SAXO2: variants seen among roughly 807,000 people sequenced by gnomAD.
SAXO2 encodes the protein family with sequence similarity 154, member B.
A neutral mutation model predicts 18.7 loss-of-function variants in SAXO2; 17 were observed. The observed-to-expected ratio is 0.91, with a 90% confidence interval of 0.62 to 1.36. The LOEUF (loss-of-function observed/expected upper bound fraction) is 1.36, where lower values mean the gene tolerates loss of function less well. Ranked by LOEUF, SAXO2 falls within the 40% of genes most tolerant of loss-of-function variation. SAXO2 has a pLI of 0.00. For missense variants in SAXO2, 486 were observed against 562.6 expected (o/e 0.86, Z 1.38); for synonymous variants, 163 against 181.2 (o/e 0.90, Z 0.81).
At chr15:82,278,314 C>T (rs2075333344) in intron 3 of SAXO2, among the ~76,000 whole-genome samples, 1 of 152,178 alleles carries the variant, frequency 6.6e-6, no homozygotes, top group Non-Finnish European at 1.5e-5. Context: ...ACAGGGCCTG[C>T]CTAAGATTGA....
At position 82,282,595 on chromosome 15, in the gene SAXO2, A is replaced by G; in HGVS notation, c.910A>G (p.Ser304Gly). ...ACCAGAGTATGTGCCTCCTACAGGT[A>G]GCATGCTGTTAAACAGCACAAGCCA... is the stretch of plus-strand genomic sequence containing the variant. Reference protein sequence around the residue: ...KVPEYVPPTGSMLLNSTSHLD... With the variant: ...KVPEYVPPTGGMLLNSTSHLD... Residue 304 changes from serine (S) to glycine (G), a missense_variant, in exon 4 of 4, where the codon AGC becomes GGC. Transcript: ENST00000682753. 2 of 1,614,212 alleles carry G rather than the reference A, an allele frequency of 1.2e-6. No homozygotes were observed. Among genetic ancestry groups the G allele is most frequent in the Non-Finnish European group, 1.7e-6 (2 of 1,180,012 alleles).
Position 82,284,719 on chromosome 15 carries a change from G to T in SAXO2, c.*1657G>T, listed in dbSNP as rs1401180622. The T allele has an allele frequency of 6.6e-6, 1 of 152,148 alleles. No homozygotes were observed. Among genetic ancestry groups the T allele is most frequent in the Non-Finnish European group, 1.5e-5 (1 of 68,024 alleles). 9.4% of individuals were successfully genotyped at this position (152,148 alleles called of 1,614,324 possible). Reference sequence around the variant, plus strand: ...AAAATTAAATAATTGCATTATGGGAGAATATGATTTATTTTAGCATAAAGT... The same window carrying T: ...AAAATTAAATAATTGCATTATGGGATAATATGATTTATTTTAGCATAAAGT... On this transcript the variant is annotated 3_prime_UTR_variant, in exon 4 of 4. Coordinates refer to ENST00000682753, the MANE Select transcript of SAXO2 (RefSeq NM_001348699.2).
chr15:82,283,014 A>G lies in SAXO2; in HGVS notation c.1329A>G (p.Gln443=). 9 of 1,613,818 alleles carry G rather than the reference A, an allele frequency of 5.6e-6. No homozygotes were observed. Among genetic ancestry groups the G allele is most frequent in the Non-Finnish European group, 7.6e-6 (9 of 1,179,940 alleles). Residue 443 remains glutamine, a synonymous_variant, in exon 4 of 4, where the codon CAA becomes CAG. Coordinates refer to ENST00000682753, the MANE Select transcript of SAXO2 (RefSeq NM_001348699.2). ...PGYIFDNTNS[Q]GHKFFRKIIP... ...ATATTTTCGACAATACAAATTCCCA[A>G]GGTCATAAATTCTTCCGCAAGATTA...
intron 3 of SAXO2, among the ~76,000 whole-genome samples, chr15:82,281,673 C>T (rs2075363022): frequency 6.6e-6 from 1 of 152,018 alleles, no homozygotes; most frequent in Non-Finnish European, 1.5e-5. Flanking sequence ...CTTTTGCCCA[C>T]CCATGAAGGG....
chr15:82,281,808 C>T (rs1158195768), intron 3 of SAXO2, among the ~76,000 whole-genome samples: 1 of 151,718 alleles, frequency 6.6e-6, no homozygotes, highest in East Asian at 1.9e-4. Context: ...TCACCTCCAA[C>T]ACAGTCCTTT....
chr15:82,266,463 T>C (rs1469661168), intron 2 of SAXO2, among the ~76,000 whole-genome samples: 1 of 152,252 alleles, frequency 6.6e-6, no homozygotes, highest in African/African-American at 2.4e-5. Flanking sequence ...CAAAATCATG[T>C]AGAGGCATGG....
intron 1 of SAXO2, chr15:82,264,603 A>G: frequency 4.3e-6 from 3 of 701,784 alleles, no homozygotes; most frequent in Non-Finnish European, 7.8e-6. Context: ...TAAGGAGTAT[A>G]TATATAGTTC....
rs1214253443 is a variant in SAXO2, at chr15:82,282,281, A to G, written c.596A>G (p.Lys199Arg). ...RQSFKPSSVVKRSTAPFNGIT... is the reference protein window; with the variant it reads ...RQSFKPSSVVRRSTAPFNGIT... The stretch of plus-strand genomic sequence containing the variant: ...AGCTTTAAACCCTCCTCTGTGGTCA[A>G]ACGTTCTACAGCCCCTTTTAATGGT... The change falls in exon 4 of 4, where the codon AAA becomes AGA. Residue 199 changes from lysine (K) to arginine (R), a missense_variant. Lys to Arg is a conservative substitution (Grantham distance 26). Coordinates refer to ENST00000682753, the MANE Select transcript of SAXO2 (RefSeq NM_001348699.2). The G allele has an allele frequency of 3.7e-6, 6 of 1,614,090 alleles. No homozygotes were observed. The highest frequency in any genetic ancestry group is 5.1e-6 in the Non-Finnish European group (6 of 1,180,052).
In SAXO2 at chr15:82,272,383, A is replaced by C. The variant is rs533700273; in HGVS notation, c.433+581A>C. On this transcript the variant is annotated intron_variant, in intron 3 of 3. Transcript: ENST00000682753. ...GATAGGCTTATCTACCCCATGATAGACAGTGCTAGACTACCACATAGGGGT... is the reference window on the plus strand; with the variant it reads ...GATAGGCTTATCTACCCCATGATAGCCAGTGCTAGACTACCACATAGGGGT... 7.9e-5 allele frequency among the ~76,000 whole-genome samples: 12 copies of C among 152,328 alleles called. No homozygotes were observed. The East Asian group carries it at 2.3e-3, about 29-fold the overall frequency.
At chr15:82,276,129 A>G (rs1383503340) in intron 3 of SAXO2, among the ~76,000 whole-genome samples, 3 of 152,164 alleles carry the variant, frequency 2.0e-5, no homozygotes, top group Non-Finnish European at 2.9e-5. Flanking sequence ...AATCAAATCA[A>G]GAACATAATC....
At chr15:82,275,405 G>A (rs1405184366) in intron 3 of SAXO2, among the ~76,000 whole-genome samples, 2 of 149,526 alleles carry the variant, frequency 1.3e-5, no homozygotes, top group African/African-American at 4.9e-5. Context: ...TGAGGAAGAA[G>A]GACTCCTCCC....
chr15:82,279,143 TAAATG>T (rs1193230756), intron 3 of SAXO2, among the ~76,000 whole-genome samples: 3 of 152,126 alleles, frequency 2.0e-5, no homozygotes, highest in Non-Finnish European at 2.9e-5. Flanking sequence ...ATGAAGTTAA[TAAATG>T]AAAAGAGAGA....
intron 1 of SAXO2, among the ~76,000 whole-genome samples, chr15:82,264,439 T>G (rs549688597): frequency 1.8e-4 from 28 of 152,086 alleles, no homozygotes; most frequent in African/African-American, 6.8e-4. Flanking sequence ...TTTTTACTAT[T>G]TACAATCTCA....
At position 82,265,760 on chromosome 15, in the gene SAXO2, G is replaced by T. The variant is rs1272439155; in HGVS notation, c.233+12G>T. 1.3e-6 allele frequency: 2 copies of T among 1,508,632 alleles called. No individual in the cohort carries two copies. The highest frequency in any genetic ancestry group is 1.8e-6 in the Non-Finnish European group (2 of 1,132,890). The allele number at this position is 1,508,632 out of a possible 1,614,324, so 93.5% of individuals were successfully genotyped here. A position where few individuals can be genotyped will look rare whatever the true frequency, so the allele number is the denominator to read the frequency against. On this transcript the variant is annotated intron_variant, in intron 2 of 3. Coordinates refer to ENST00000682753, the MANE Select transcript of SAXO2 (RefSeq NM_001348699.2). ...ATAACTACATTTAAGTAAATATTTA[G>T]TAACTATTTGCTTTACTTATTTTTC...
chr15:82,263,137 A>G lies in SAXO2; in HGVS notation c.53+205A>G, dbSNP rs145969593. 409 of 1,464,926 alleles carry G rather than the reference A, an allele frequency of 2.8e-4. 3 individuals carry two copies. In the East Asian group the frequency reaches 9.5e-3, roughly 34 times the overall value. The allele number at this position is 1,464,926 out of a possible 1,614,324, so 90.7% of individuals were successfully genotyped here. Reference sequence around the variant, plus strand: ...ACCCGGGGGTAAAACGTTTGTTCGTAGCCCCTGAGACTCCCAATCAAGGAT... The same window carrying G: ...ACCCGGGGGTAAAACGTTTGTTCGTGGCCCCTGAGACTCCCAATCAAGGAT... On this transcript the variant is annotated intron_variant, in intron 1 of 3. Transcript: ENST00000682753.
intron 3 of SAXO2, among the ~76,000 whole-genome samples, chr15:82,272,724 G>A (rs1357086410): frequency 2.0e-5 from 3 of 151,860 alleles, no homozygotes; most frequent in Admixed American, 1.3e-4. Flanking sequence ...TGTATTTTTA[G>A]TAGAGATGGG....
At chr15:82,277,240 T>C (rs1315133324) in intron 3 of SAXO2, among the ~76,000 whole-genome samples, 1 of 152,058 alleles carries the variant, frequency 6.6e-6, no homozygotes, top group African/African-American at 2.4e-5. Context: ...AAGGGAAAAG[T>C]CAAAAGCAAA....
At chr15:82,263,201 T>C in intron 1 of SAXO2, 1 of 1,456,206 alleles carries the variant, frequency 6.9e-7, no homozygotes, top group Non-Finnish European at 9.0e-7. Flanking sequence ...AAGTAATATA[T>C]GTGAAGCCGC....
chr15:82,268,464 A>G (rs2075240112), intron 2 of SAXO2, among the ~76,000 whole-genome samples: 1 of 152,260 alleles, frequency 6.6e-6, no homozygotes, highest in Non-Finnish European at 1.5e-5. Context: ...TCATCTCTTC[A>G]CTTAGTAAGA....
Sources: allele counts gnomAD v4.1 joint callset (sites outside exome capture counted in the v4.1 genomes callset), GRCh38; gene constraint gnomAD v4.1.1; transcripts MANE v1.5; gene names NCBI Gene and HGNC (gene_info 2026-07-23, HGNC 2026-07-21).